P2RX5: variants seen among roughly 807,000 people sequenced by gnomAD.
P2RX5 encodes purinergic receptor P2X 5.
A neutral mutation model predicts 54.1 loss-of-function variants in P2RX5; 46 were observed. That is an observed-to-expected ratio of 0.85 (90% CI 0.67 to 1.09). P2RX5 has a LOEUF of 1.09. Ranked by LOEUF, P2RX5 falls within the 50% of genes least tolerant of loss-of-function variation. The pLI is 0.00. For missense variants in P2RX5, 566 were observed against 549.8 expected (o/e 1.03, Z -0.29); for synonymous variants, 226 against 226.4 (o/e 1.00, Z 0.02).
upstream of P2RX5, among the ~76,000 whole-genome samples, chr17:3,699,095 C>CACACACACACATATA (rs60173844): frequency 5.6e-3 from 557 of 100,208 alleles, 7 homozygotes; most frequent in African/African-American, 0.023. Context: ...ACACACACAC[C>CACACACACACATATA]TATATATATA....
chr17:3,716,685 G>T, the P2RX5 span: 2 of 1,550,444 alleles, frequency 1.3e-6, no homozygotes, highest in Non-Finnish European at 1.8e-6. Context: ...GAGTAGAACT[G>T]ACCTTGAACA....
intron 6 of P2RX5, 136 bp downstream of exon 6, chr17:3,689,934 G>A (rs565035840): frequency 6.2e-5 from 55 of 880,936 alleles, no homozygotes; most frequent in African/African-American, 1.6e-5. Flanking sequence ...GCGCACACAC[G>A]CACACACGCG....
At chr17:3,698,530 A>G (rs935675583), upstream of P2RX5, among the ~76,000 whole-genome samples, 1 of 152,040 alleles carries the variant, frequency 6.6e-6, no homozygotes, top group Non-Finnish European at 1.5e-5. Context: ...AGAGCCTACC[A>G]CTAGCCCCAG....
chr17:3,690,487 AAGTTCTCTCTCCGCAGGCAGCGG>A lies in P2RX5; in HGVS notation c.450_472del (p.Arg151GlyfsTer6), dbSNP rs1402676440. The A allele has an allele frequency of 1.2e-6, 2 of 1,613,426 alleles. No individual in the cohort carries two copies. Among genetic ancestry groups the A allele is most frequent in the Non-Finnish European group, 1.7e-6 (2 of 1,179,954 alleles). ...AAAGATCTCACAGGTGCCCCTGGCC[AAGTTCTCTCTCCGCAGGCAGCGG>A]CCGGTCTTCACTCCTGCAGGGGTGG... On this transcript the variant is annotated frameshift_variant, in exon 5 of 12. Transcript: ENST00000225328. LOFTEE classifies it high-confidence loss of function.
In P2RX5 at chr17:3,673,767, A is replaced by C; in HGVS notation, c.*101T>G. ...TGGCATTGATAGCACCCAATGTACA[A>C]ATTTCCCGTTGGGCAGCATCCTGGG... On this transcript the variant is annotated 3_prime_UTR_variant, in exon 12 of 12. Coordinates refer to ENST00000225328, the MANE Select transcript of P2RX5 (RefSeq NM_002561.4). 3 of 1,611,288 alleles carry C rather than the reference A, an allele frequency of 1.9e-6. No homozygotes were observed. Among genetic ancestry groups the C allele is most frequent in the Non-Finnish European group, 2.5e-6 (3 of 1,179,640 alleles).
At chr17:3,710,394 T>A in the P2RX5 span, among the ~76,000 whole-genome samples, 1 of 151,222 alleles carries the variant, frequency 6.6e-6, no homozygotes, top group Non-Finnish European at 1.5e-5. Flanking sequence ...GCTACTGCAC[T>A]CCAGCCTGGG....
chr17:3,706,994 C>T, the P2RX5 span, among the ~76,000 whole-genome samples: 1 of 152,308 alleles, frequency 6.6e-6, no homozygotes, highest in African/African-American at 2.4e-5. Context: ...AAGCTCATCA[C>T]CACTTTGGAA....
At chr17:3,707,654 CCT>C in the P2RX5 span, among the ~76,000 whole-genome samples, 1 of 152,042 alleles carries the variant, frequency 6.6e-6, no homozygotes, top group African/African-American at 2.4e-5. Flanking sequence ...TCCAGACCCC[CCT>C]CTCGGCCCTG....
chr17:3,720,977 G>A, the P2RX5 span, among the ~76,000 whole-genome samples: 5 of 152,140 alleles, frequency 3.3e-5, no homozygotes, highest in African/African-American at 4.8e-5. Flanking sequence ...CACCCATGCT[G>A]GAGTGCAATG....
At chr17:3,673,915 G>C (rs767736850) in intron 11 of P2RX5, 38 bp from the exon 12 acceptor site, 1 of 1,573,554 alleles carries the variant, frequency 6.4e-7, no homozygotes, top group Non-Finnish European at 8.7e-7. Flanking sequence ...TTGAGAGGCT[G>C]GCACTCTCAT....
chr17:3,692,141 CAA>C (rs11419514), intron 1 of P2RX5: 433 of 142,962 alleles, frequency 3.0e-3, no homozygotes, highest in South Asian at 0.018. Flanking sequence ...TGTCTCTACT[CAA>C]AAAAAAAAAA....
intron 11 of P2RX5, among the ~76,000 whole-genome samples, 158 bp from the exon 12 acceptor site, chr17:3,674,035 G>A (rs997587718): frequency 2.6e-5 from 4 of 152,142 alleles, no homozygotes; most frequent in East Asian, 1.9e-4. Flanking sequence ...CCGGCCAGGC[G>A]CGGTGGCTCA....
intron 1 of P2RX5, among the ~76,000 whole-genome samples, chr17:3,693,596 G>A (rs928518019): frequency 6.6e-6 from 1 of 152,108 alleles, no homozygotes; most frequent in East Asian, 1.9e-4. Flanking sequence ...AAATTAGCCA[G>A]GCATGGTGGC....
rs759738878 is a variant in P2RX5, at chr17:3,696,037, C to T, written c.-32G>A. 1.2e-6 allele frequency: 2 copies of T among 1,611,250 alleles called. No individual in the cohort carries two copies. Among genetic ancestry groups the T allele is most frequent in the Admixed American group, 3.3e-5 (2 of 59,904 alleles). On this transcript the variant is annotated 5_prime_UTR_variant, in exon 1 of 12. Coordinates refer to ENST00000225328, the MANE Select transcript of P2RX5 (RefSeq NM_002561.4). ...CTCTCAGCCGGGCTTGCGGACCGCC[C>T]GGCCCACGTGCGCTCATGGGGAGCA...
the P2RX5 span, chr17:3,716,607 G>C: frequency 1.2e-6 from 1 of 820,980 alleles, no homozygotes; most frequent in Non-Finnish European, 2.1e-6. Context: ...CTCTAAGTCA[G>C]AGGTTGGCTG....
At chr17:3,720,343 T>C in the P2RX5 span, 2 of 1,590,538 alleles carry the variant, frequency 1.3e-6, no homozygotes, top group South Asian at 1.1e-5. Flanking sequence ...GTCCCTCATA[T>C]AGAGATTTGT....
At chr17:3,676,008 G>A (rs1226548129) in intron 11 of P2RX5, 1 of 985,342 alleles carries the variant, frequency 1.0e-6, no homozygotes, top group Non-Finnish European at 1.2e-6. Context: ...CTCAGTGGAG[G>A]GATGCTCTCA....
intron 10 of P2RX5, 65 bp from the exon 11 acceptor site, chr17:3,679,849 G>A (rs1055743731): frequency 1.3e-4 from 179 of 1,414,684 alleles, no homozygotes; most frequent in African/African-American, 1.2e-3. Flanking sequence ...CTAGACGGGC[G>A]GAGTGGGCCT....
At chr17:3,714,373 A>G in the P2RX5 span, among the ~76,000 whole-genome samples, 80,039 of 151,492 alleles carry the variant, frequency 0.53, 21,988 homozygotes, top group African/African-American at 0.64. Flanking sequence ...GACTACAGGC[A>G]CCCGCCACCA....
Sources: gnomAD v4.1 joint callset for allele counts (sites outside exome capture counted in the v4.1 genomes callset) on GRCh38, gnomAD v4.1.1 for gene constraint, MANE v1.5 for transcripts, NCBI Gene and HGNC (gene_info 2026-07-23, HGNC 2026-07-21) for gene names.